The following CYP2J2 variants were observed in gnomAD, a reference collection of about 807,000 sequenced individuals.
CYP2J2 encodes the protein cytochrome P450 family 2 subfamily J member 2, also known as cytochrome P450 2J2.
In CYP2J2, 41 loss-of-function variants were observed where a neutral mutation model predicts 48.8. The observed-to-expected ratio is 0.84, with a 90% CI of 0.66 to 1.09. CYP2J2 has a LOEUF of 1.09. Ranked by LOEUF, CYP2J2 falls within the 50% of genes least tolerant of loss-of-function variation. The pLI, the probability that CYP2J2 is intolerant of heterozygous loss-of-function variation, is 0.00. For missense variants in CYP2J2, 644 were observed against 617.3 expected (o/e 1.04, Z -0.46); for synonymous variants, 221 against 227.1 (o/e 0.97, Z 0.24).
chr1:59,909,748 TA>T, intron 5 of CYP2J2, 35 bp downstream of exon 5: 1 of 1,520,958 alleles, frequency 6.6e-7, no homozygotes, highest in Middle Eastern at 1.9e-4. Context: ...ATTTGTGCTC[TA>T]AGAACAAAAT....
chr1:59,912,211 G>C lies in CYP2J2; in HGVS notation c.474C>G (p.Arg158=). Residue 158 remains arginine, a synonymous_variant, in exon 3 of 9, where the codon CGC becomes CGG. Transcript: ENST00000371204. ...FGLGKKSLEE[R]IQEEAQHLTE... ...TGAGGTGTTGGGCCTCCTCCTGAAT[G>C]CGTTCCTCTAAGCTCTTCTTTCCTA... 6.2e-7 allele frequency: 1 copy of C among 1,613,872 alleles called. No individual in the cohort carries two copies. The highest frequency in any genetic ancestry group is 1.1e-5 in the South Asian group (1 of 91,050).
Position 59,912,222 on chromosome 1 carries a change from A to C in CYP2J2, c.463T>G (p.Leu155Val). The C allele has an allele frequency of 6.2e-7, 1 of 1,613,868 alleles. No individual in the cohort carries two copies. The highest frequency in any genetic ancestry group is 8.5e-7 in the Non-Finnish European group (1 of 1,179,872). The change falls in exon 3 of 9, where the codon TTA becomes GTA. Residue 155 changes from leucine (L) to valine (V), a missense_variant. Physicochemically the swap from Leu to Val is conservative, Grantham distance 32. Transcript: ENST00000371204. ...LRNFGLGKKS[L>V]EERIQEEAQH... Reference sequence around the variant, plus strand: ...GCCTCCTCCTGAATGCGTTCCTCTAAGCTCTTCTTTCCTAAACCAAAGTTC... The same window carrying C: ...GCCTCCTCCTGAATGCGTTCCTCTACGCTCTTCTTTCCTAAACCAAAGTTC...
At chr1:59,944,030 G>GC in the CYP2J2 span, among the ~76,000 whole-genome samples, 1 of 152,164 alleles carries the variant, frequency 6.6e-6, no homozygotes, top group Admixed American at 6.5e-5. Flanking sequence ...TGTACAAATT[G>GC]TTGCTTGCTT....
chr1:59,958,038 AT>A, the CYP2J2 span, among the ~76,000 whole-genome samples: 1 of 152,182 alleles, frequency 6.6e-6, no homozygotes, highest in Admixed American at 6.5e-5. Flanking sequence ...ACAAGACAAT[AT>A]GGTCTCTGAA....
the CYP2J2 span, among the ~76,000 whole-genome samples, chr1:59,958,996 C>T: frequency 2.0e-5 from 3 of 152,064 alleles, no homozygotes; most frequent in Non-Finnish European, 2.9e-5. Flanking sequence ...ATTCTATGAC[C>T]TGTAATTTTA....
the CYP2J2 span, among the ~76,000 whole-genome samples, chr1:59,964,303 C>T: frequency 8.9e-4 from 135 of 152,318 alleles, no homozygotes; most frequent in South Asian, 8.9e-3. Context: ...GGGAACCAAG[C>T]GTGTGAATAC....
chr1:59,956,002 T>C, the CYP2J2 span, among the ~76,000 whole-genome samples: 2 of 152,154 alleles, frequency 1.3e-5, no homozygotes, highest in African/African-American at 4.8e-5. Flanking sequence ...CTCACTTGGC[T>C]TGTAAAGCTA....
At chr1:59,952,861 T>C in the CYP2J2 span, among the ~76,000 whole-genome samples, 1 of 152,170 alleles carries the variant, frequency 6.6e-6, no homozygotes, top group Non-Finnish European at 1.5e-5. Flanking sequence ...TTTGTTTGCA[T>C]GAAAATGATT....
the CYP2J2 span, among the ~76,000 whole-genome samples, chr1:59,942,512 G>A: frequency 6.6e-6 from 1 of 152,170 alleles, no homozygotes; most frequent in Non-Finnish European, 1.5e-5. Flanking sequence ...GACAAGGAAT[G>A]TGTAAGCCAG....
In CYP2J2 at chr1:59,904,935, A is replaced by T. The variant is rs776132354; in HGVS notation, c.1127T>A (p.Ile376Asn). 6.8e-6 allele frequency: 11 copies of T among 1,613,644 alleles called. No homozygotes were observed. The East Asian group carries it at 2.2e-4, about 33-fold the overall frequency. The stretch of plus-strand genomic sequence containing the variant: ...CACTTCCCTGGGAACGTTCAGGGGG[A>T]TGATGTTGCCCATTCTCTGCACCTC... ...IHEVQRMGNIIPLNVPREVTV... is the reference protein window; with the variant it reads ...IHEVQRMGNINPLNVPREVTV... The change falls in exon 7 of 9, where the codon ATC becomes AAC. Residue 376 changes from isoleucine to asparagine, a missense_variant. Coordinates refer to ENST00000371204, the MANE Select transcript of CYP2J2 (RefSeq NM_000775.4).
the CYP2J2 span, among the ~76,000 whole-genome samples, chr1:59,956,205 C>T: frequency 1.3e-5 from 2 of 151,714 alleles, no homozygotes; most frequent in South Asian, 2.1e-4. Context: ...TCTGGGTGTT[C>T]GATATACTAT....
chr1:59,911,472 A>G, intron 4 of CYP2J2, 136 bp downstream of exon 4: 1 of 582,658 alleles, frequency 1.7e-6, no homozygotes, highest in East Asian at 2.9e-5. Context: ...ATTTCAAATA[A>G]GTTTGTGTTG....
intron 2 of CYP2J2, among the ~76,000 whole-genome samples, chr1:59,913,800 AC>A (rs1644440552): frequency 1.3e-5 from 2 of 152,302 alleles, no homozygotes; most frequent in East Asian, 3.9e-4. Context: ...CCTAAATAAA[AC>A]CTAAAAATAT....
chr1:59,954,331 G>T, the CYP2J2 span, among the ~76,000 whole-genome samples: 1 of 152,084 alleles, frequency 6.6e-6, no homozygotes, highest in African/African-American at 2.4e-5. Context: ...AATCACTTTG[G>T]TTCAGTTAAT....
intron 6 of CYP2J2, 34 bp downstream of exon 6, chr1:59,907,752 G>T (rs780953052): frequency 6.2e-7 from 1 of 1,612,482 alleles, no homozygotes; most frequent in South Asian, 1.1e-5. Flanking sequence ...GCACTATTCT[G>T]TCCTGGTTCA....
At position 59,917,191 on chromosome 1, in the gene CYP2J2, T is replaced by C. The variant is rs149368601; in HGVS notation, c.211-1091A>G. ...CTGTGAGGAAGAATGAGAGCAGCAA[T>C]GTGAAAGGCACTTTGTTTTCTTGTT... is the stretch of plus-strand genomic sequence containing the variant. On this transcript the variant is annotated intron_variant, in intron 1 of 8. Coordinates refer to ENST00000371204, the MANE Select transcript of CYP2J2 (RefSeq NM_000775.4). Among the ~76,000 whole-genome samples the C allele has an allele frequency of 6.6e-5, 10 of 152,246 alleles. No individual in the cohort carries two copies. The East Asian group carries it at 1.2e-3, about 18-fold the overall frequency.
the CYP2J2 span, among the ~76,000 whole-genome samples, chr1:59,962,000 AT>A: frequency 2.2e-3 from 328 of 147,396 alleles, no homozygotes; most frequent in African/African-American, 5.7e-3. Flanking sequence ...GTGATAAGGG[AT>A]TTTTTTTTTT....
chr1:59,945,805 C>T, the CYP2J2 span, among the ~76,000 whole-genome samples: 67 of 152,336 alleles, frequency 4.4e-4, no homozygotes, highest in African/African-American at 1.5e-3. Context: ...TCTGGCTTCT[C>T]AGGCTAAGAA....
chr1:59,905,652 T>G (rs1035330813), intron 6 of CYP2J2, among the ~76,000 whole-genome samples: 2 of 152,212 alleles, frequency 1.3e-5, no homozygotes, highest in Non-Finnish European at 2.9e-5. Context: ...ACATTGATGC[T>G]GCAAGTTACT....
Sources: gnomAD v4.1 joint callset for allele counts (sites outside exome capture counted in the v4.1 genomes callset) on GRCh38, gnomAD v4.1.1 for gene constraint, MANE v1.5 for transcripts, NCBI Gene and HGNC (gene_info 2026-07-23, HGNC 2026-07-21) for gene names.